IFIH1: variants seen among roughly 807,000 people sequenced by gnomAD.
The protein encoded by IFIH1 is interferon-induced helicase C domain-containing protein 1.
IFIH1 carries 125 observed loss-of-function variants against 107.4 expected under a neutral mutation model. The observed-to-expected ratio is 1.16, with a 90% CI of 1.01 to 1.35. IFIH1 has a LOEUF of 1.35. Ranked by LOEUF, IFIH1 falls within the 40% of genes most tolerant of loss-of-function variation. The pLI is 0.00. For synonymous variants in IFIH1, 458 were observed against 413.2 expected (o/e 1.11, Z -1.31); for missense variants, 1,333 against 1,213.7 (o/e 1.10, Z -1.46).
intron 6 of IFIH1, 141 bp downstream of exon 6, chr2:162,282,225 A>G (rs371495864): frequency 1.1e-5 from 6 of 563,590 alleles, no homozygotes; most frequent in East Asian, 3.0e-5. Flanking sequence ...TGTTTCCTCC[A>G]GGAAGTAGAA....
rs763528904 is a variant in IFIH1 at position 162,318,086 on chromosome 2, A to G, written c.222T>C (p.Gly74=). Residue 74 remains glycine (G), a synonymous_variant, in exon 1 of 16, where the codon GGT becomes GGC. Transcript: ENST00000649979. ...GGGCCTCCACGAATTCCCGAGTCCA[A>G]CCAAGGTGCCAGACTCCCTTCTCCA... ...STLEKGVWHL[G]WTREFVEALR... The G allele has an allele frequency of 3.1e-6, 5 of 1,614,016 alleles. No homozygotes were observed. The highest frequency in any genetic ancestry group is 1.3e-5 in the African/African-American group (1 of 74,922).
intron 1 of IFIH1, among the ~76,000 whole-genome samples, chr2:162,314,375 C>T (rs1157831749): frequency 4.8e-5 from 2 of 41,814 alleles, no homozygotes; most frequent in African/African-American, 3.0e-4. Context: ...TCCTTCCCTC[C>T]CTCCCTCCCT....
chr2:162,312,445 G>A (rs1227354296), intron 1 of IFIH1, among the ~76,000 whole-genome samples: 2 of 152,166 alleles, frequency 1.3e-5, no homozygotes, highest in Non-Finnish European at 2.9e-5. Context: ...CCTCTCTGAG[G>A]TCACAAAGTG....
At chr2:162,278,724 G>A (rs1284369350) in intron 8 of IFIH1, among the ~76,000 whole-genome samples, 5 of 152,006 alleles carry the variant, frequency 3.3e-5, no homozygotes, top group South Asian at 2.1e-4. Context: ...GTATTATTTC[G>A]ACCAAAATAA....
chr2:162,314,194 C>G (rs1683429231), intron 1 of IFIH1, among the ~76,000 whole-genome samples: 1 of 152,130 alleles, frequency 6.6e-6, no homozygotes, highest in South Asian at 2.1e-4. Flanking sequence ...CAAATTGTAA[C>G]TTAGCATCCT....
intron 3 of IFIH1, 73 bp from the exon 4 acceptor site, chr2:162,293,741 AC>A (rs1443548272): frequency 2.3e-6 from 2 of 885,102 alleles, no homozygotes; most frequent in African/African-American, 3.3e-5. Flanking sequence ...GCACACCTCT[AC>A]AGCACACAGT....
intron 12 of IFIH1, 114 bp downstream of exon 12, chr2:162,273,680 AG>A (rs1691089799): frequency 2.5e-6 from 2 of 790,718 alleles, no homozygotes; most frequent in Non-Finnish European, 4.0e-6. Flanking sequence ...AACAGGAAAA[AG>A]GCTTTGTTTT....
At chr2:162,306,603 C>T (rs1683283319) in intron 3 of IFIH1, 106 bp downstream of exon 3, 5 of 690,108 alleles carry the variant, frequency 7.2e-6, no homozygotes. Context: ...TAAATGTTTA[C>T]TAACCTTAAT....
At chr2:162,299,970 A>G (rs577670539) in intron 3 of IFIH1, among the ~76,000 whole-genome samples, 2 of 152,246 alleles carry the variant, frequency 1.3e-5, no homozygotes, top group East Asian at 1.9e-4. Flanking sequence ...TAGTGCTCTC[A>G]AGGCTCAGAT....
chr2:162,288,878 C>T (rs568581338), intron 4 of IFIH1, among the ~76,000 whole-genome samples: 109 of 149,186 alleles, frequency 7.3e-4, no homozygotes, highest in African/African-American at 2.5e-3. Flanking sequence ...TATTTTCTTT[C>T]GTTTGTAGAA....
chr2:162,287,835 A>G (rs1682923181), intron 5 of IFIH1, among the ~76,000 whole-genome samples: 1 of 151,958 alleles, frequency 6.6e-6, no homozygotes, highest in African/African-American at 2.4e-5. Flanking sequence ...ATAACCTGTG[A>G]CCAGATAAGG....
chr2:162,282,775 A>T (rs1682833950), intron 5 of IFIH1, among the ~76,000 whole-genome samples, 199 bp from the exon 6 acceptor site: 1 of 151,954 alleles, frequency 6.6e-6, no homozygotes, highest in African/African-American at 2.4e-5. Context: ...GTGGGCATTT[A>T]TGTCTGGGAC....
intron 6 of IFIH1, 75 bp from the exon 7 acceptor site, chr2:162,281,620 T>A: frequency 9.3e-7 from 1 of 1,077,924 alleles, no homozygotes; most frequent in Non-Finnish European, 1.4e-6. Flanking sequence ...AGACCAGTAA[T>A]TGAGCTGCCT....
chr2:162,314,084 G>A (rs1683428019), intron 1 of IFIH1, among the ~76,000 whole-genome samples: 1 of 152,074 alleles, frequency 6.6e-6, no homozygotes, highest in African/African-American at 2.4e-5. Context: ...AGACACTATG[G>A]AAATGTTTAT....
At chr2:162,287,169 T>G (rs1305658936) in intron 5 of IFIH1, among the ~76,000 whole-genome samples, 1 of 151,924 alleles carries the variant, frequency 6.6e-6, no homozygotes, top group Admixed American at 6.6e-5. Flanking sequence ...AAAATGCATT[T>G]GGAACTACAT....
At position 162,280,007 on chromosome 2, in the gene IFIH1, C is replaced by T. The variant is rs1374484430; in HGVS notation, c.1630G>A (p.Ala544Thr). Residue 544 changes from alanine to threonine, a missense_variant, in exon 8 of 16, where the codon GCA becomes ACA. By Grantham distance (58) the Ala-to-Thr change is moderately conservative. Transcript: ENST00000649979. The stretch of plus-strand genomic sequence containing the variant: ...CATTAAGCCCATACTTCTCTGGTTG[C>T]ATCTGCAATGGCAAACTTCTTGCAT... ...EPCKKFAIAD[A>T]TREDPFKEKL... 4 of 1,575,266 alleles carry T rather than the reference C, an allele frequency of 2.5e-6. No individual in the cohort carries two copies. Among genetic ancestry groups the T allele is most frequent in the Non-Finnish European group, 2.6e-6 (3 of 1,145,018 alleles).
At chr2:162,306,175 G>C (rs1374198477) in intron 3 of IFIH1, among the ~76,000 whole-genome samples, 1 of 152,186 alleles carries the variant, frequency 6.6e-6, no homozygotes, top group Non-Finnish European at 1.5e-5. Flanking sequence ...GGCTGTTTCA[G>C]TATCAAAAAG....
intron 3 of IFIH1, among the ~76,000 whole-genome samples, chr2:162,295,521 T>A (rs1038553133): frequency 1.3e-5 from 2 of 151,984 alleles, no homozygotes; most frequent in Non-Finnish European, 2.9e-5. Context: ...GGTATCTTTC[T>A]TAAAAATTAA....
chr2:162,277,264 T>TA, intron 10 of IFIH1, 151 bp downstream of exon 10: 1 of 618,770 alleles, frequency 1.6e-6, no homozygotes, highest in Non-Finnish European at 2.8e-6. Flanking sequence ...AACTGGTAGC[T>TA]AATCTGGTCA....
Sources: allele counts gnomAD v4.1 joint callset (sites outside exome capture counted in the v4.1 genomes callset), GRCh38; gene constraint gnomAD v4.1.1; transcripts MANE v1.5; gene names NCBI Gene and HGNC (gene_info 2026-07-23, HGNC 2026-07-21).